The following UQCRC2 variants were observed in gnomAD, a reference collection of about 807,000 sequenced individuals.
The protein encoded by UQCRC2 is ubiquinol-cytochrome c reductase core protein 2.
A neutral mutation model predicts 55.6 loss-of-function variants in UQCRC2; 49 were observed. That is an observed-to-expected ratio of 0.88 (90% CI 0.70 to 1.12). The LOEUF is 1.12. Among genes scored for constraint, UQCRC2 ranks in the 50% most tolerant of loss-of-function variants. UQCRC2 has a pLI of 0.00. For missense variants in UQCRC2, 506 were observed against 547.8 expected, an observed-to-expected ratio of 0.92 and a Z score of 0.76; for synonymous variants, 193 against 192.0, an observed-to-expected ratio of 1.01 and a Z score of -0.04.
chr16:21,978,972 A>G (rs918415617), intron 12 of UQCRC2, among the ~76,000 whole-genome samples: 1 of 152,204 alleles, frequency 6.6e-6, no homozygotes, highest in East Asian at 1.9e-4. Context: ...ACCTGCCAAA[A>G]CTCACAGGTA....
chr16:21,957,913 G>A (rs1345927903), intron 3 of UQCRC2, among the ~76,000 whole-genome samples: 1 of 152,200 alleles, frequency 6.6e-6, no homozygotes, highest in African/African-American at 2.4e-5. Context: ...CTCTGCCTTT[G>A]TTGTCACATG....
Position 21,958,518 on chromosome 16 carries a change from A to G in UQCRC2, c.268-17A>G. ...GCATTGAAAAGCTACAAAGATAATCATTCTTTCTTTTTCAAGACGACAAAA... is the reference window on the plus strand; with the variant it reads ...GCATTGAAAAGCTACAAAGATAATCGTTCTTTCTTTTTCAAGACGACAAAA... On this transcript the variant is annotated splice_polypyrimidine_tract_variant and intron_variant, in intron 3 of 13. Coordinates refer to ENST00000268379, the MANE Select transcript of UQCRC2 (RefSeq NM_003366.4). 6.2e-7 allele frequency: 1 copy of G among 1,610,956 alleles called. No individual in the cohort carries two copies. The highest frequency in any genetic ancestry group is 1.1e-5 in the South Asian group (1 of 90,380).
intron 1 of UQCRC2, 64 bp from the exon 2 acceptor site, chr16:21,957,171 C>T (rs1363660650): frequency 6.6e-7 from 1 of 1,519,566 alleles, no homozygotes. Flanking sequence ...CCTAAGATAC[C>T]ATGCTTTTAT....
At chr16:21,958,120 C>T (rs1420066613) in intron 3 of UQCRC2, among the ~76,000 whole-genome samples, 1 of 151,960 alleles carries the variant, frequency 6.6e-6, no homozygotes, top group Non-Finnish European at 1.5e-5. Flanking sequence ...CAGTACTGTC[C>T]CCTAATGTAA....
At chr16:21,968,759 A>G (rs1490114849) in intron 8 of UQCRC2, 74 bp downstream of exon 8, 7 of 1,368,398 alleles carry the variant, frequency 5.1e-6, no homozygotes, top group East Asian at 5.0e-5. Context: ...TTACGTGAAC[A>G]TAGGATTGAA....
chr16:21,968,082 A>T (rs1898372179), intron 7 of UQCRC2, among the ~76,000 whole-genome samples: 1 of 150,810 alleles, frequency 6.6e-6, no homozygotes. Context: ...GCTCACTGCA[A>T]CCTCTGCCTC....
At position 21,980,399 on chromosome 16, in the gene UQCRC2, T is replaced by G. The variant is rs1356282626; in HGVS notation, c.1125-148T>G. ...GTATGTTCCAGAGAAGGGAGTGGCA[T>G]TCTTCTTGGGGAATTCAGGAAGAGG... On this transcript the variant is annotated intron_variant, in intron 12 of 13. Coordinates refer to ENST00000268379, the MANE Select transcript of UQCRC2 (RefSeq NM_003366.4). 3.7e-6 allele frequency: 3 copies of G among 803,668 alleles called. No individual in the cohort carries two copies. The Admixed American group carries it at 8.4e-5, about 22-fold the overall frequency. 49.8% of individuals were successfully genotyped at this position (803,668 alleles called of 1,614,324 possible). A position where few individuals can be genotyped will look rare whatever the true frequency, so the allele number is the denominator to read the frequency against.
chr16:21,957,696 G>GT (rs1898112204), intron 3 of UQCRC2, 130 bp downstream of exon 3: 2 of 1,355,192 alleles, frequency 1.5e-6, no homozygotes, highest in South Asian at 2.8e-5. Flanking sequence ...CACGGACTGG[G>GT]TAGCTTAAAC....
intron 13 of UQCRC2, 50 bp from the exon 14 acceptor site, chr16:21,983,038 A>C: frequency 1.3e-6 from 2 of 1,485,584 alleles, no homozygotes; most frequent in Non-Finnish European, 1.9e-6. Flanking sequence ...CTGCTTGATG[A>C]TATATATTTT....
intron 6 of UQCRC2, among the ~76,000 whole-genome samples, chr16:21,963,718 C>A (rs1294919270): frequency 2.0e-5 from 3 of 152,124 alleles, no homozygotes; most frequent in Non-Finnish European, 4.4e-5. Context: ...ATCCTCCCAC[C>A]TCAGCTTCCC....
chr16:21,970,257 C>G (rs1029594656), intron 8 of UQCRC2, among the ~76,000 whole-genome samples: 1 of 152,158 alleles, frequency 6.6e-6, no homozygotes, highest in Non-Finnish European at 1.5e-5. Context: ...TATAAACATT[C>G]ACGTGTACAT....
chr16:21,976,869 T>A (rs912003845), intron 12 of UQCRC2: 2 of 152,214 alleles, frequency 1.3e-5, no homozygotes, highest in African/African-American at 4.8e-5. Flanking sequence ...TTCAAATTAC[T>A]AAAAATTTAA....
intron 4 of UQCRC2, among the ~76,000 whole-genome samples, chr16:21,961,089 G>T (rs1015160516): frequency 6.6e-6 from 1 of 152,094 alleles, no homozygotes; most frequent in Admixed American, 6.6e-5. Context: ...CCTCAGCCCA[G>T]CATGCTGGGA....
intron 7 of UQCRC2, among the ~76,000 whole-genome samples, chr16:21,965,721 A>G (rs1043977451): frequency 6.6e-6 from 1 of 152,224 alleles, no homozygotes; most frequent in East Asian, 1.9e-4. Flanking sequence ...GGACATGATC[A>G]TTACAGAAAA....
Position 21,953,361 on chromosome 16 carries a change from C to G in UQCRC2, c.-63C>G. On this transcript the variant is annotated 5_prime_UTR_variant, in exon 1 of 14. Coordinates refer to ENST00000268379, the MANE Select transcript of UQCRC2 (RefSeq NM_003366.4). ...CGGGGAACGCTGGGAAACTCCCGGC[C>G]TCCGCCACCATCTTGCTTTCCTTTA... 1.3e-6 allele frequency: 2 copies of G among 1,591,500 alleles called. No homozygotes were observed. The highest frequency in any genetic ancestry group is 1.7e-6 in the Non-Finnish European group (2 of 1,168,538).
At chr16:21,960,397 G>C (rs544219879) in intron 4 of UQCRC2, among the ~76,000 whole-genome samples, 1 of 152,332 alleles carries the variant, frequency 6.6e-6, no homozygotes, top group South Asian at 2.1e-4. Flanking sequence ...TAATTGAAGA[G>C]AGTTAGGGCA....
At chr16:21,962,927 G>C in intron 6 of UQCRC2, 42 bp downstream of exon 6, 1 of 1,560,130 alleles carries the variant, frequency 6.4e-7, no homozygotes, top group Non-Finnish European at 8.7e-7. Flanking sequence ...AAGATACTGG[G>C]TTTTTTAGAA....
Position 21,968,698 on chromosome 16 carries a change from T to C in UQCRC2, c.670+13T>C. The C allele has an allele frequency of 6.2e-7, 1 of 1,600,876 alleles. No homozygotes were observed. The highest frequency in any genetic ancestry group is 8.5e-7 in the Non-Finnish European group (1 of 1,173,246). ...TTGATTGGACTTGGTAAGTTTAGAG[T>C]ATTGCCTGCCTGTCAGTTTGCTTCC... On this transcript the variant is annotated intron_variant, in intron 8 of 13. Transcript: ENST00000268379.
At chr16:21,980,772 A>G (rs1200680620) in intron 13 of UQCRC2, 72 bp downstream of exon 13, 1 of 1,538,788 alleles carries the variant, frequency 6.5e-7, no homozygotes, top group Non-Finnish European at 8.9e-7. Flanking sequence ...AGAAGGATGC[A>G]TAAGCGTCCT....
Sources: gnomAD v4.1 joint callset for allele counts (sites outside exome capture counted in the v4.1 genomes callset) on GRCh38, gnomAD v4.1.1 for gene constraint, MANE v1.5 for transcripts, NCBI Gene and HGNC (gene_info 2026-07-23, HGNC 2026-07-21) for gene names.